The following ABTB3 variants were observed in gnomAD, a reference collection of about 807,000 sequenced individuals.
ABTB3 encodes the protein ankyrin repeat- and BTB/POZ domain-containing protein 3.
At chr12:107,375,383 A>G in the ABTB3 span, among the ~76,000 whole-genome samples, 92 of 152,162 alleles carry the variant, frequency 6.0e-4, no homozygotes, top group South Asian at 1.0e-3. Context: ...GTGCCGCTGC[A>G]CTCTAGCTTG....
chr12:107,644,512 C>T, the ABTB3 span, among the ~76,000 whole-genome samples: 2 of 152,182 alleles, frequency 1.3e-5, no homozygotes, highest in Non-Finnish European at 2.9e-5. Context: ...TCTCAGAATA[C>T]CTGGAGAAGG....
the ABTB3 span, among the ~76,000 whole-genome samples, chr12:107,326,855 C>A: frequency 3.3e-5 from 5 of 152,346 alleles, no homozygotes; most frequent in Middle Eastern, 3.4e-3. Context: ...GTGATGAAAT[C>A]TTGCCAAACA....
chr12:107,489,729 T>C, the ABTB3 span, among the ~76,000 whole-genome samples: 19 of 152,234 alleles, frequency 1.2e-4, no homozygotes, highest in African/African-American at 4.6e-4. Flanking sequence ...TGATAAAATG[T>C]GACACTTCTA....
chr12:107,567,516 C>T, the ABTB3 span, among the ~76,000 whole-genome samples: 1 of 152,224 alleles, frequency 6.6e-6, no homozygotes, highest in African/African-American at 2.4e-5. Flanking sequence ...AGTACAGTCA[C>T]ATGTTATTCA....
chr12:107,644,309 C>T, the ABTB3 span, among the ~76,000 whole-genome samples: 1 of 152,182 alleles, frequency 6.6e-6, no homozygotes, highest in South Asian at 2.1e-4. Flanking sequence ...CTCAGCTGCA[C>T]ATTAGAATCA....
chr12:107,559,275 C>A, the ABTB3 span, among the ~76,000 whole-genome samples: 1 of 152,202 alleles, frequency 6.6e-6, no homozygotes, highest in Non-Finnish European at 1.5e-5. Context: ...CCCGAATGGT[C>A]CCAAGGGAAG....
the ABTB3 span, among the ~76,000 whole-genome samples, chr12:107,328,801 T>C: frequency 5.3e-5 from 8 of 152,168 alleles, no homozygotes; most frequent in African/African-American, 9.6e-5. Context: ...ATCTGGATCA[T>C]AGGGGCCCCC....
the ABTB3 span, among the ~76,000 whole-genome samples, chr12:107,608,852 C>A: frequency 6.9e-6 from 1 of 145,536 alleles, no homozygotes; most frequent in Non-Finnish European, 1.5e-5. Context: ...GCCTGGGCGA[C>A]AGAGCAAGAC....
chr12:107,652,534 G>A, the ABTB3 span, among the ~76,000 whole-genome samples: 7 of 152,174 alleles, frequency 4.6e-5, no homozygotes, highest in Admixed American at 1.3e-4. Context: ...TGAAGTCTTT[G>A]GAGTCTGCTT....
the ABTB3 span, among the ~76,000 whole-genome samples, chr12:107,407,857 G>A: frequency 6.6e-6 from 1 of 151,990 alleles, no homozygotes; most frequent in African/African-American, 2.4e-5. Flanking sequence ...TAGGATTGCT[G>A]TTCCAGATTT....
the ABTB3 span, chr12:107,657,571 C>A: frequency 6.2e-7 from 1 of 1,614,214 alleles, no homozygotes; most frequent in African/African-American, 1.3e-5. Context: ...ACATGATGGT[C>A]CTCATTGAAA....
chr12:107,470,505 G>A, the ABTB3 span, among the ~76,000 whole-genome samples: 2 of 152,108 alleles, frequency 1.3e-5, no homozygotes, highest in Non-Finnish European at 2.9e-5. Flanking sequence ...CCCGAGGAGG[G>A]CCTGGCTGTC....
At chr12:107,617,441 G>A in the ABTB3 span, 2 of 1,613,812 alleles carry the variant, frequency 1.2e-6, no homozygotes, top group Non-Finnish European at 1.7e-6. Context: ...ACACAGGTAG[G>A]CTAGGATGGG....
At chr12:107,600,419 T>C in the ABTB3 span, among the ~76,000 whole-genome samples, 2 of 152,220 alleles carry the variant, frequency 1.3e-5, no homozygotes, top group Non-Finnish European at 2.9e-5. Flanking sequence ...TTAACTATAG[T>C]GTGTTGGGAA....
chr12:107,609,169 C>A, the ABTB3 span, among the ~76,000 whole-genome samples: 1 of 152,140 alleles, frequency 6.6e-6, no homozygotes, highest in Admixed American at 6.5e-5. Flanking sequence ...TGAATTATAA[C>A]AACCCATGGC....
chr12:107,329,268 G>C, the ABTB3 span, among the ~76,000 whole-genome samples: 1 of 152,146 alleles, frequency 6.6e-6, no homozygotes, highest in South Asian at 2.1e-4. Flanking sequence ...GGTGGACCAG[G>C]GTTCAAATTC....
chr12:107,635,862 C>G, the ABTB3 span, among the ~76,000 whole-genome samples: 1 of 88,244 alleles, frequency 1.1e-5, no homozygotes, highest in East Asian at 4.0e-4. Flanking sequence ...CCCCCCCCCC[C>G]CACCCACCCA....
chr12:107,654,484 A>T, the ABTB3 span, among the ~76,000 whole-genome samples: 20 of 152,208 alleles, frequency 1.3e-4, no homozygotes, highest in African/African-American at 4.3e-4. Flanking sequence ...TTTTTAGTAG[A>T]GACAGATGCT....
chr12:107,442,458 G>C, the ABTB3 span, among the ~76,000 whole-genome samples: 1 of 152,226 alleles, frequency 6.6e-6, no homozygotes, highest in East Asian at 1.9e-4. Flanking sequence ...ACAAAATGTG[G>C]AAGATTGATG....
Sources: gnomAD v4.1 joint callset for allele counts (sites outside exome capture counted in the v4.1 genomes callset) on GRCh38, gnomAD v4.1.1 for gene constraint, MANE v1.5 for transcripts, NCBI Gene and HGNC (gene_info 2026-07-23, HGNC 2026-07-21) for gene names.